The following PALS2 variants were observed in gnomAD, a reference collection of about 807,000 sequenced individuals.
PALS2 encodes protein PALS2.
PALS2 carries 27 observed loss-of-function variants against 61.6 expected under a neutral mutation model. The ratio of observed to expected loss-of-function variants is 0.44; its 90% confidence interval spans 0.32 to 0.60. The LOEUF is 0.60. Among genes scored for constraint, PALS2 ranks in the 20% least tolerant of loss-of-function variants. PALS2 has a pLI of 0.05. For missense variants in PALS2, 554 were observed against 639.4 expected (o/e 0.87, Z 1.44); for synonymous variants, 236 against 218.6 (o/e 1.08, Z -0.70).
chr7:24,599,153 T>C (rs189877376), intron 1 of PALS2, among the ~76,000 whole-genome samples: 317 of 152,204 alleles, frequency 2.1e-3, no homozygotes, highest in African/African-American at 7.4e-3. Context: ...AACACACACA[T>C]AGATGGTATA....
At chr7:24,673,081 GT>G (rs1368670217) in intron 9 of PALS2, among the ~76,000 whole-genome samples, 1 of 152,120 alleles carries the variant, frequency 6.6e-6, no homozygotes, top group Non-Finnish European at 1.5e-5. Context: ...GTTCCCTTCT[GT>G]TCCTGCTTTG....
At chr7:24,658,983 T>C (rs1786572899) in intron 5 of PALS2, among the ~76,000 whole-genome samples, 1 of 152,152 alleles carries the variant, frequency 6.6e-6, no homozygotes, top group South Asian at 2.1e-4. Context: ...TAGGTAGTTT[T>C]TCAGTCCTCA....
At chr7:24,665,474 G>A in intron 6 of PALS2, 114 bp from the exon 7 acceptor site, 1 of 811,914 alleles carries the variant, frequency 1.2e-6, no homozygotes, top group East Asian at 2.5e-5. Flanking sequence ...AAATCTCAAG[G>A]TTGTTTTTAA....
At chr7:24,660,614 T>G (rs544222311) in intron 5 of PALS2, among the ~76,000 whole-genome samples, 2 of 152,204 alleles carry the variant, frequency 1.3e-5, no homozygotes, top group Non-Finnish European at 2.9e-5. Context: ...CATCATTTGT[T>G]TCACCAGTTC....
chr7:24,616,729 A>G (rs1335019632), intron 1 of PALS2, among the ~76,000 whole-genome samples: 2 of 152,182 alleles, frequency 1.3e-5, no homozygotes, highest in African/African-American at 4.8e-5. Context: ...TTTAAAAAAT[A>G]TCCCTTGTTT....
intron 1 of PALS2, among the ~76,000 whole-genome samples, chr7:24,615,035 C>T (rs914691009): frequency 1.3e-5 from 2 of 151,764 alleles, no homozygotes; most frequent in African/African-American, 4.8e-5. Flanking sequence ...ACCACATGAT[C>T]CTGAATGACC....
At chr7:24,639,501 T>C (rs1785408459) in intron 2 of PALS2, among the ~76,000 whole-genome samples, 1 of 150,654 alleles carries the variant, frequency 6.6e-6, no homozygotes, top group South Asian at 2.1e-4. Flanking sequence ...CTTTCCTTCC[T>C]TTTTTTTTCC....
At chr7:24,588,903 G>A (rs1783175354) in intron 1 of PALS2, among the ~76,000 whole-genome samples, 1 of 152,116 alleles carries the variant, frequency 6.6e-6, no homozygotes, top group Admixed American at 6.5e-5. Flanking sequence ...AGTTTATTTT[G>A]TCCTTATCCC....
chr7:24,578,705 A>G (rs1183516829), intron 1 of PALS2, among the ~76,000 whole-genome samples: 1 of 152,220 alleles, frequency 6.6e-6, no homozygotes, highest in African/African-American at 2.4e-5. Context: ...TTCCCTGTTC[A>G]ATAAACTATA....
chr7:24,575,996 A>G (rs1010800368), intron 1 of PALS2, among the ~76,000 whole-genome samples: 3 of 152,126 alleles, frequency 2.0e-5, no homozygotes, highest in Middle Eastern at 3.2e-3. Flanking sequence ...ACTTCAGGTA[A>G]GTATAGTTAA....
At chr7:24,667,575 G>T (rs1017756402) in intron 8 of PALS2, among the ~76,000 whole-genome samples, 1 of 151,596 alleles carries the variant, frequency 6.6e-6, no homozygotes, top group African/African-American at 2.4e-5. Flanking sequence ...ATTTTTACTG[G>T]CAAATTGATA....
At chr7:24,606,402 T>C (rs1323130295) in intron 1 of PALS2, among the ~76,000 whole-genome samples, 3 of 152,166 alleles carry the variant, frequency 2.0e-5, no homozygotes, top group Non-Finnish European at 2.9e-5. Context: ...GAGAGGGCCT[T>C]GAGATACTAT....
chr7:24,575,166 A>G (rs769244049), intron 1 of PALS2, among the ~76,000 whole-genome samples: 1 of 152,130 alleles, frequency 6.6e-6, no homozygotes, highest in South Asian at 2.1e-4. Flanking sequence ...TAATTGCTCA[A>G]TTTTGTCCTA....
intron 1 of PALS2, among the ~76,000 whole-genome samples, chr7:24,600,370 G>A (rs1425130463): frequency 6.6e-6 from 1 of 152,040 alleles, no homozygotes; most frequent in Non-Finnish European, 1.5e-5. Flanking sequence ...AATTGATGAG[G>A]TAATTCTAGT....
intron 11 of PALS2, among the ~76,000 whole-genome samples, chr7:24,681,999 TTATGAG>T (rs1178102418): frequency 1.3e-5 from 2 of 152,230 alleles, no homozygotes; most frequent in African/African-American, 4.8e-5. Flanking sequence ...TTTCTCTTTA[TTATGAG>T]TATATCTTCC....
intron 3 of PALS2, among the ~76,000 whole-genome samples, chr7:24,647,248 G>A (rs1393260845): frequency 6.6e-6 from 1 of 151,714 alleles, no homozygotes; most frequent in East Asian, 1.9e-4. Context: ...CCAGGTTCAA[G>A]CAATTCTCCT....
At chr7:24,574,968 C>G (rs567044094) in intron 1 of PALS2, among the ~76,000 whole-genome samples, 1 of 152,222 alleles carries the variant, frequency 6.6e-6, no homozygotes, top group East Asian at 1.9e-4. Context: ...GTTATGTCTT[C>G]TGAGGCCTTG....
chr7:24,589,406 A>C (rs1783198538), intron 1 of PALS2: 1 of 152,202 alleles, frequency 6.6e-6, no homozygotes, highest in African/African-American at 2.4e-5. Context: ...TTTGTCAGCC[A>C]TGGAAAGCAT....
At chr7:24,631,907 T>C (rs895439415) in intron 2 of PALS2, among the ~76,000 whole-genome samples, 2 of 152,242 alleles carry the variant, frequency 1.3e-5, no homozygotes, top group African/African-American at 4.8e-5. Flanking sequence ...CACCTTGTCA[T>C]GTAAACATAA....
Sources: allele counts gnomAD v4.1 joint callset (sites outside exome capture counted in the v4.1 genomes callset), GRCh38; gene constraint gnomAD v4.1.1; transcripts MANE v1.5; gene names NCBI Gene and HGNC (gene_info 2026-07-23, HGNC 2026-07-21).